Variants in WDR7 observed in about 807,000 individuals in gnomAD.
The protein encoded by WDR7 is WD repeat-containing protein 7.
Under a neutral mutation model 169.4 loss-of-function variants are expected in WDR7, and 46 were observed. That is an observed-to-expected ratio of 0.27 (90% CI 0.21 to 0.35). WDR7 has a LOEUF of 0.35. WDR7 is among the 10% of genes least tolerant of loss of function. The probability of loss-of-function intolerance (pLI) is 1.00; values close to 1 mark genes in which losing one functional copy is unlikely to be tolerated. For missense variants in WDR7, 1,534 were observed against 1,859.3 expected, an observed-to-expected ratio of 0.83 and a Z score of 3.22; for synonymous variants, 612 against 666.8, an observed-to-expected ratio of 0.92 and a Z score of 1.27.
intron 19 of WDR7, among the ~76,000 whole-genome samples, chr18:56,811,259 T>G (rs1007761546): frequency 1.3e-5 from 2 of 151,982 alleles, no homozygotes; most frequent in African/African-American, 4.8e-5. Flanking sequence ...TGCTTTTGTG[T>G]GGACATATGT....
chr18:56,763,064 T>C (rs952725168), intron 16 of WDR7, among the ~76,000 whole-genome samples: 1 of 151,738 alleles, frequency 6.6e-6, no homozygotes, highest in Non-Finnish European at 1.5e-5. Context: ...GGGTTCATGC[T>C]ATTCTCCTGC....
At chr18:56,696,712 T>G (rs895442688) in intron 12 of WDR7, among the ~76,000 whole-genome samples, 1 of 152,248 alleles carries the variant, frequency 6.6e-6, no homozygotes, top group Admixed American at 6.5e-5. Flanking sequence ...GGCTTCTTTC[T>G]GAAACATAGC....
chr18:56,976,927 G>C (rs1337955097), intron 26 of WDR7, among the ~76,000 whole-genome samples: 1 of 152,216 alleles, frequency 6.6e-6, no homozygotes, highest in Non-Finnish European at 1.5e-5. Context: ...CTGCCATGGA[G>C]TACTCTGAGA....
intron 20 of WDR7, among the ~76,000 whole-genome samples, chr18:56,821,509 G>A (rs2045095645): frequency 6.6e-6 from 1 of 152,162 alleles, no homozygotes; most frequent in South Asian, 2.1e-4. Context: ...CATTCTCAAA[G>A]TAACACATTA....
At chr18:56,865,071 C>G (rs1314213141) in intron 20 of WDR7, among the ~76,000 whole-genome samples, 1 of 151,880 alleles carries the variant, frequency 6.6e-6, no homozygotes, top group Non-Finnish European at 1.5e-5. Flanking sequence ...ATTTTGCAGT[C>G]TTTTTTGAAA....
At chr18:56,917,848 T>C (rs1440859578) in intron 21 of WDR7, among the ~76,000 whole-genome samples, 3 of 151,796 alleles carry the variant, frequency 2.0e-5, no homozygotes, top group Admixed American at 2.0e-4. Flanking sequence ...TATCACCTCA[T>C]AGCACCTTTA....
intron 1 of WDR7, among the ~76,000 whole-genome samples, chr18:56,663,374 T>C (rs939586782): frequency 6.6e-6 from 1 of 152,170 alleles, no homozygotes; most frequent in African/African-American, 2.4e-5. Context: ...TTGAAGTGAT[T>C]TGAATATGGA....
chr18:56,937,821 A>G (rs1402490662), intron 23 of WDR7, among the ~76,000 whole-genome samples: 2 of 152,200 alleles, frequency 1.3e-5, no homozygotes, highest in Non-Finnish European at 2.9e-5. Context: ...GACTGCTCCA[A>G]AACTTAACTA....
intron 25 of WDR7, among the ~76,000 whole-genome samples, chr18:56,941,594 G>A (rs894358554): frequency 1.8e-4 from 28 of 152,178 alleles, no homozygotes; most frequent in African/African-American, 6.0e-4. Flanking sequence ...TATAGTGCCC[G>A]AGTATAGAGG....
At chr18:56,741,102 G>T (rs1005727738) in intron 14 of WDR7, among the ~76,000 whole-genome samples, 1 of 152,022 alleles carries the variant, frequency 6.6e-6, no homozygotes, top group Non-Finnish European at 1.5e-5. Context: ...GCAAACTGTG[G>T]CCTACAGGTC....
In WDR7 at chr18:57,027,041, A is replaced by G. The variant is rs748017826; in HGVS notation, c.4307A>G (p.Asn1436Ser). The G allele has an allele frequency of 8.7e-6, 14 of 1,613,938 alleles. No individual in the cohort carries two copies. Among genetic ancestry groups the G allele is most frequent in the Non-Finnish European group, 9.3e-6 (11 of 1,180,024 alleles). ...TSLLGSIGML[N>S]SAPQLRCIKT... Reference sequence around the variant, plus strand: ...CTGCTGGGAAGCATCGGCATGCTGAACTCGGCACCTCAGCTGCGCTGCATT... The same window carrying G: ...CTGCTGGGAAGCATCGGCATGCTGAGCTCGGCACCTCAGCTGCGCTGCATT... Residue 1436 changes from asparagine (N) to serine (S), a missense_variant, in exon 28 of 28, where the codon AAC becomes AGC. Asn to Ser is a conservative substitution (Grantham distance 46). Transcript: ENST00000254442.
chr18:56,886,502 T>G (rs1235970940), intron 21 of WDR7, among the ~76,000 whole-genome samples: 2 of 152,276 alleles, frequency 1.3e-5, no homozygotes, highest in East Asian at 3.9e-4. Context: ...AAACAAATCC[T>G]TGAAATACAC....
intron 2 of WDR7, among the ~76,000 whole-genome samples, chr18:56,677,255 A>C (rs991861627): frequency 6.6e-6 from 1 of 152,116 alleles, no homozygotes; most frequent in Non-Finnish European, 1.5e-5. Context: ...TGGATTTACT[A>C]TTCTTTCCTT....
intron 20 of WDR7, among the ~76,000 whole-genome samples, chr18:56,872,501 C>A (rs75421801): frequency 6.6e-6 from 1 of 152,146 alleles, no homozygotes; most frequent in East Asian, 1.9e-4. Flanking sequence ...AAGACAATTA[C>A]GTACATTTGA....
At chr18:56,968,264 G>GT (rs1267056557) in intron 26 of WDR7, among the ~76,000 whole-genome samples, 1 of 152,154 alleles carries the variant, frequency 6.6e-6, no homozygotes, top group African/African-American at 2.4e-5. Flanking sequence ...CTGGTATATA[G>GT]TAGATGCACA....
intron 25 of WDR7, chr18:56,957,379 A>G (rs908578489): frequency 6.6e-6 from 1 of 151,682 alleles, no homozygotes; most frequent in Non-Finnish European, 1.5e-5. Context: ...TCCCCTGAGC[A>G]TGTTGCTTCC....
downstream of WDR7, chr18:57,030,407 C>T (rs1168462613): frequency 1.3e-5 from 2 of 152,122 alleles, no homozygotes; most frequent in Admixed American, 1.3e-4. Context: ...GCATCTTGGG[C>T]CCTATTAAAT....
At chr18:56,866,836 A>G (rs1444842810) in intron 20 of WDR7, among the ~76,000 whole-genome samples, 1 of 152,122 alleles carries the variant, frequency 6.6e-6, no homozygotes, top group Non-Finnish European at 1.5e-5. Context: ...TATATTTTGA[A>G]ATAACTGGAA....
intron 21 of WDR7, among the ~76,000 whole-genome samples, chr18:56,898,842 G>A (rs368076054): frequency 1.4e-4 from 21 of 152,128 alleles, no homozygotes; most frequent in African/African-American, 5.1e-4. Context: ...TAGTGAGTAG[G>A]ATTCTACCAA....
Sources: gnomAD v4.1 joint callset for allele counts (sites outside exome capture counted in the v4.1 genomes callset) on GRCh38, gnomAD v4.1.1 for gene constraint, MANE v1.5 for transcripts, NCBI Gene and HGNC (gene_info 2026-07-23, HGNC 2026-07-21) for gene names.